The following GABBR2 variants were observed in gnomAD, a reference collection of about 807,000 sequenced individuals.
GABBR2 encodes the protein G-protein coupled receptor 51.
Under a neutral mutation model 105.6 loss-of-function variants are expected in GABBR2, and 23 were observed. The ratio of observed to expected loss-of-function variants is 0.22; its 90% CI spans 0.16 to 0.31. The LOEUF is 0.31. Among genes scored for constraint, GABBR2 ranks in the 10% least tolerant of loss-of-function variants. The pLI is 1.00. For missense variants in GABBR2, 734 were observed against 1,245.5 expected, an observed-to-expected ratio of 0.59 and a Z score of 6.18; for synonymous variants, 478 against 499.7, an observed-to-expected ratio of 0.96 and a Z score of 0.58.
At chr9:98,702,583 G>A (rs542216256) in intron 1 of GABBR2, among the ~76,000 whole-genome samples, 1 of 152,100 alleles carries the variant, frequency 6.6e-6, no homozygotes, top group Admixed American at 6.5e-5. Flanking sequence ...GGCCGTCCAC[G>A]CCCAGCACCA....
At chr9:98,566,398 G>T (rs1487985308) in intron 2 of GABBR2, among the ~76,000 whole-genome samples, 1 of 152,144 alleles carries the variant, frequency 6.6e-6, no homozygotes, top group Non-Finnish European at 1.5e-5. Context: ...ATTGATGGCT[G>T]GGTGCAGTGG....
Position 98,410,299 on chromosome 9 carries a change from G to C in GABBR2, c.1237-4158C>G, listed in dbSNP as rs1832563493. Among the ~76,000 whole-genome samples, 3 of 152,180 alleles carry C rather than the reference G, an allele frequency of 2.0e-5. No individual in the cohort carries two copies. The South Asian group carries it at 6.2e-4, about 32-fold the overall frequency. On this transcript the variant is annotated intron_variant, in intron 7 of 18. Coordinates refer to ENST00000259455, the MANE Select transcript of GABBR2 (RefSeq NM_005458.8). The stretch of plus-strand genomic sequence containing the variant: ...GGTGATGAGTTAAATTCTAAGGCAA[G>C]GGAGTTTGGTAACTCTGGCCGGGGT...
intron 1 of GABBR2, among the ~76,000 whole-genome samples, chr9:98,666,365 G>T (rs902988076): frequency 2.0e-5 from 3 of 152,190 alleles, no homozygotes; most frequent in African/African-American, 7.2e-5. Flanking sequence ...CACTCCCAGT[G>T]ACCCACTTGG....
chr9:98,431,991 G>A (rs1325389968), intron 7 of GABBR2, among the ~76,000 whole-genome samples: 2 of 152,116 alleles, frequency 1.3e-5, no homozygotes, highest in African/African-American at 4.8e-5. Flanking sequence ...TGCCTCCTGG[G>A]TTCAAGTGAT....
intron 7 of GABBR2, among the ~76,000 whole-genome samples, chr9:98,418,035 C>A (rs904566424): frequency 6.6e-6 from 1 of 152,050 alleles, no homozygotes; most frequent in African/African-American, 2.4e-5. Flanking sequence ...AATGCAGGAG[C>A]CACATCAGGC....
intron 13 of GABBR2, among the ~76,000 whole-genome samples, chr9:98,331,396 C>CTTTTTTTTTTTTTTTTTT (rs142735341): frequency 1.3e-5 from 1 of 76,028 alleles, no homozygotes; most frequent in Non-Finnish European, 2.4e-5. Flanking sequence ...AGTCCCTCTT[C>CTTTTTTTTTTTTTTTTTT]TTTTTTTTTT....
chr9:98,377,673 C>A (rs1588129872), intron 11 of GABBR2, among the ~76,000 whole-genome samples: 1 of 152,258 alleles, frequency 6.6e-6, no homozygotes, highest in East Asian at 1.9e-4. Context: ...GTTGGAGTGG[C>A]CCACATGTGG....
intron 1 of GABBR2, among the ~76,000 whole-genome samples, chr9:98,706,028 A>G (rs985107813): frequency 6.6e-6 from 1 of 151,884 alleles, no homozygotes; most frequent in Non-Finnish European, 1.5e-5. Flanking sequence ...GTGAGCCAAG[A>G]TCACGCCAAT....
rs569069831 is a variant in GABBR2, at chr9:98,354,001, A to C, written c.1893+8714T>G. ...CCTGAGGCCTTCCCAGCAATGCAGAACTGTGAGTCAATTAAACCTCTTTCT... is the reference window on the plus strand; with the variant it reads ...CCTGAGGCCTTCCCAGCAATGCAGACCTGTGAGTCAATTAAACCTCTTTCT... On this transcript the variant is annotated intron_variant, in intron 13 of 18. Transcript: ENST00000259455. Among the ~76,000 whole-genome samples, 6 of 152,314 alleles carry C rather than the reference A, an allele frequency of 3.9e-5. No individual in the cohort carries two copies. The South Asian group carries it at 8.3e-4, about 21-fold the overall frequency.
At chr9:98,541,663 C>T (rs1195508259) in intron 3 of GABBR2, among the ~76,000 whole-genome samples, 1 of 152,208 alleles carries the variant, frequency 6.6e-6, no homozygotes, top group East Asian at 1.9e-4. Context: ...AAGGTTCACT[C>T]CTGATGATGG....
chr9:98,529,906 C>G (rs1828032383), intron 3 of GABBR2, among the ~76,000 whole-genome samples: 1 of 152,194 alleles, frequency 6.6e-6, no homozygotes, highest in African/African-American at 2.4e-5. Context: ...GCTCATCCTT[C>G]CACTTCTCAT....
intron 11 of GABBR2, among the ~76,000 whole-genome samples, chr9:98,376,149 G>C (rs998606303): frequency 3.9e-5 from 6 of 152,212 alleles, no homozygotes; most frequent in Non-Finnish European, 7.3e-5. Context: ...AAAGAAATGA[G>C]AGCAAGTCTC....
At chr9:98,444,873 G>C (rs934766695) in intron 7 of GABBR2, among the ~76,000 whole-genome samples, 1 of 97,924 alleles carries the variant, frequency 1.0e-5, no homozygotes, top group Non-Finnish European at 2.2e-5. Context: ...GCACATGCGC[G>C]CGCGCGCACA....
chr9:98,330,477 A>T (rs974946996), intron 13 of GABBR2, among the ~76,000 whole-genome samples: 1 of 152,236 alleles, frequency 6.6e-6, no homozygotes, highest in Non-Finnish European at 1.5e-5. Context: ...GACCTTTTCA[A>T]GATGCCAATA....
chr9:98,465,236 G>A (rs1366727928), intron 6 of GABBR2, among the ~76,000 whole-genome samples: 1 of 144,724 alleles, frequency 6.9e-6, no homozygotes, highest in African/African-American at 2.6e-5. Flanking sequence ...AATATATAAA[G>A]TCATTTGCTT....
intron 1 of GABBR2, among the ~76,000 whole-genome samples, chr9:98,693,991 A>G (rs908906976): frequency 6.6e-6 from 1 of 152,116 alleles, no homozygotes; most frequent in Non-Finnish European, 1.5e-5. Flanking sequence ...GTTGCCCCCA[A>G]ACTCTCAAGC....
chr9:98,583,261 T>C (rs550674706), intron 1 of GABBR2, among the ~76,000 whole-genome samples: 7 of 152,376 alleles, frequency 4.6e-5, no homozygotes, highest in Non-Finnish European at 1.0e-4. Flanking sequence ...TAATGCTGTG[T>C]CTTCTTACCT....
At chr9:98,297,183 G>A (rs1040593622) in intron 17 of GABBR2, among the ~76,000 whole-genome samples, 1 of 152,004 alleles carries the variant, frequency 6.6e-6, no homozygotes, top group Admixed American at 6.6e-5. Context: ...TACCAGATAC[G>A]AAAGTTATTA....
intron 6 of GABBR2, among the ~76,000 whole-genome samples, chr9:98,469,506 G>A (rs2131625589): frequency 6.6e-6 from 1 of 152,248 alleles, no homozygotes; most frequent in Non-Finnish European, 1.5e-5. Context: ...GAAGCTCTAA[G>A]AGAGATCCCT....
Sources: allele counts gnomAD v4.1 joint callset (sites outside exome capture counted in the v4.1 genomes callset), GRCh38; gene constraint gnomAD v4.1.1; transcripts MANE v1.5; gene names NCBI Gene and HGNC (gene_info 2026-07-23, HGNC 2026-07-21).